ZRANB3: variants seen among roughly 807,000 people sequenced by gnomAD.
ZRANB3 encodes the protein zinc finger RANBP2-type containing 3.
ZRANB3 carries 125 observed loss-of-function variants against 133.8 expected under a neutral mutation model. The observed-to-expected ratio is 0.93, with a 90% confidence interval of 0.81 to 1.08. The LOEUF is 1.08. ZRANB3 is among the 50% of genes least tolerant of loss of function. The pLI, the probability that ZRANB3 is intolerant of heterozygous loss-of-function variation, is 0.00. For synonymous variants in ZRANB3, 387 were observed against 432.7 expected (o/e 0.89, Z 1.31); for missense variants, 1,229 against 1,275.5 (o/e 0.96, Z 0.56).
intron 3 of ZRANB3, among the ~76,000 whole-genome samples, chr2:135,365,257 A>G (rs1238099052): frequency 6.6e-6 from 1 of 152,114 alleles, no homozygotes; most frequent in Non-Finnish European, 1.5e-5. Flanking sequence ...ACAGACCAAG[A>G]TTCTGTCTCA....
intron 2 of ZRANB3, among the ~76,000 whole-genome samples, chr2:135,423,193 A>G (rs926949883): frequency 6.6e-6 from 1 of 152,096 alleles, no homozygotes; most frequent in African/African-American, 2.4e-5. Flanking sequence ...AACACTTTGG[A>G]AGGCTGAGGC....
intron 1 of ZRANB3, among the ~76,000 whole-genome samples, chr2:135,523,294 A>G (rs1694021226): frequency 6.6e-6 from 1 of 152,138 alleles, no homozygotes; most frequent in African/African-American, 2.4e-5. Context: ...GCTATCACCA[A>G]ATCCAAGCCA....
chr2:135,448,259 G>A lies in ZRANB3; in HGVS notation c.161+56070C>T, dbSNP rs528482925. Among the ~76,000 whole-genome samples the A allele has an allele frequency of 9.9e-5, 15 of 152,188 alleles. No individual in the cohort carries two copies. In the South Asian group the frequency reaches 1.9e-3, roughly 19 times the overall value. ...TCCTCTTTTAACAAAGATTTCCTGCGCTCTCAGCTGCACACCAATTTTAAT... is the reference window on the plus strand; with the variant it reads ...TCCTCTTTTAACAAAGATTTCCTGCACTCTCAGCTGCACACCAATTTTAAT... On this transcript the variant is annotated intron_variant, in intron 2 of 20. Transcript: ENST00000264159.
chr2:135,407,476 A>G (rs1356456818), intron 2 of ZRANB3, among the ~76,000 whole-genome samples: 1 of 149,482 alleles, frequency 6.7e-6, no homozygotes, highest in Non-Finnish European at 1.5e-5. Context: ...AAACTACTTT[A>G]AAGTTCATAT....
chr2:135,405,227 C>A (rs549719624), intron 2 of ZRANB3, among the ~76,000 whole-genome samples: 11 of 152,190 alleles, frequency 7.2e-5, no homozygotes, highest in Non-Finnish European at 1.3e-4. Context: ...CAAAGAAGGC[C>A]GTTACATAAT....
Position 135,324,328 on chromosome 2 carries a change from G to A in ZRANB3, c.678-8798C>T, listed in dbSNP as rs139489685. Among the ~76,000 whole-genome samples the A allele has an allele frequency of 3.6e-3, 541 of 151,200 alleles. 2 individuals carry two copies. Among genetic ancestry groups the A allele is most frequent in the African/African-American group, 0.012 (512 of 41,198 alleles). On this transcript the variant is annotated intron_variant, in intron 6 of 20. Coordinates refer to ENST00000264159, the MANE Select transcript of ZRANB3 (RefSeq NM_032143.4). ...TTCCCACCTATGAGTGAGAATATGC[G>A]ATGTTTGGTTTTTTGTTCTTGTGAT...
intron 1 of ZRANB3, chr2:135,511,868 C>T (rs1012493700): frequency 7.9e-6 from 6 of 763,008 alleles, no homozygotes; most frequent in Admixed American, 1.7e-5. Context: ...ATGTCTGGGG[C>T]CTAGTTCAGC....
intron 2 of ZRANB3, among the ~76,000 whole-genome samples, chr2:135,416,242 T>G (rs1390621795): frequency 2.0e-5 from 3 of 152,020 alleles, no homozygotes; most frequent in African/African-American, 7.3e-5. Flanking sequence ...CTTAAGCTGA[T>G]AAGCAACTTC....
intron 8 of ZRANB3, among the ~76,000 whole-genome samples, chr2:135,310,799 T>C (rs72982353): frequency 0.062 from 9,430 of 152,156 alleles, 575 homozygotes; most frequent in African/African-American, 0.16. Flanking sequence ...TGCTCCATTA[T>C]AATCTTATGA....
chr2:135,213,929 G>T (rs1236161554), intron 17 of ZRANB3, among the ~76,000 whole-genome samples: 2 of 152,120 alleles, frequency 1.3e-5, no homozygotes, highest in African/African-American at 4.8e-5. Context: ...AAGATGTAGT[G>T]GTCCATGTGC....
At chr2:135,247,743 T>C (rs752375836) in intron 12 of ZRANB3, among the ~76,000 whole-genome samples, 12 of 152,090 alleles carry the variant, frequency 7.9e-5, no homozygotes, top group African/African-American at 2.7e-4. Flanking sequence ...AGAAGTGTCA[T>C]TGCACCTCCC....
intron 10 of ZRANB3, chr2:135,271,388 TAC>T (rs987778460): frequency 4.2e-6 from 2 of 473,514 alleles, no homozygotes; most frequent in African/African-American, 4.0e-5. Flanking sequence ...CACCTTGTCA[TAC>T]AGGTCCTAAT....
intron 2 of ZRANB3, among the ~76,000 whole-genome samples, chr2:135,426,859 AAAAAATATATATATATATATATATAT>A (rs1558992248): frequency 4.2e-5 from 2 of 47,808 alleles, no homozygotes; most frequent in African/African-American, 2.8e-4. Context: ...AAAAAAAAAA[AAAAAATATATATATATATATATATAT>A]ATATATATAT....
chr2:135,353,901 G>A (rs1035419899), intron 3 of ZRANB3, among the ~76,000 whole-genome samples: 2 of 152,042 alleles, frequency 1.3e-5, no homozygotes, highest in Non-Finnish European at 2.9e-5. Context: ...GCTACTTGGA[G>A]GCTGAAGTGG....
At chr2:135,422,339 T>A (rs1292951890) in intron 2 of ZRANB3, among the ~76,000 whole-genome samples, 1 of 152,184 alleles carries the variant, frequency 6.6e-6, no homozygotes, top group Non-Finnish European at 1.5e-5. Flanking sequence ...GAATGATATA[T>A]CTTGCCAAAT....
intron 4 of ZRANB3, 129 bp from the exon 5 acceptor site, chr2:135,350,344 C>G: frequency 1.7e-6 from 1 of 591,538 alleles, no homozygotes; most frequent in Non-Finnish European, 2.8e-6. Context: ...GGAGATGGTA[C>G]TACTACTGAA....
At chr2:135,500,464 T>C (rs2104817929) in intron 2 of ZRANB3, among the ~76,000 whole-genome samples, 1 of 152,138 alleles carries the variant, frequency 6.6e-6, no homozygotes, top group Admixed American at 6.6e-5. Context: ...TACAACCGCA[T>C]ACAAAAACAT....
chr2:135,412,169 G>A (rs1166015942), intron 2 of ZRANB3, among the ~76,000 whole-genome samples: 1 of 152,038 alleles, frequency 6.6e-6, no homozygotes, highest in Non-Finnish European at 1.5e-5. Flanking sequence ...ACAATATAGA[G>A]ACTATAACAG....
chr2:135,513,888 A>G (rs1443528216), intron 1 of ZRANB3, among the ~76,000 whole-genome samples: 1 of 152,196 alleles, frequency 6.6e-6, no homozygotes, highest in African/African-American at 2.4e-5. Context: ...GGGAATCAAT[A>G]GGAAATCCTT....
Sources: gnomAD v4.1 joint callset for allele counts (sites outside exome capture counted in the v4.1 genomes callset) on GRCh38, gnomAD v4.1.1 for gene constraint, MANE v1.5 for transcripts, NCBI Gene and HGNC (gene_info 2026-07-23, HGNC 2026-07-21) for gene names.